ERC1: variants seen among roughly 807,000 people sequenced by gnomAD.
The protein encoded by ERC1 is ELKS/RAB6-interacting/CAST family member 1, also known as RAB6 interacting protein 2.
A neutral mutation model predicts 132.0 loss-of-function variants in ERC1; 56 were observed. The observed-to-expected ratio is 0.42, with a 90% CI of 0.34 to 0.53. ERC1 has a LOEUF of 0.53. Among genes scored for constraint, ERC1 ranks in the 20% least tolerant of loss-of-function variants. ERC1 has a pLI of 0.03. For synonymous variants in ERC1, 478 were observed against 476.1 expected (o/e 1.00, Z -0.05); for missense variants, 1,202 against 1,349.9 (o/e 0.89, Z 1.72).
intron 15 of ERC1, among the ~76,000 whole-genome samples, chr12:1,332,319 G>T (rs1440068103): frequency 1.3e-5 from 2 of 152,118 alleles, no homozygotes; most frequent in Non-Finnish European, 2.9e-5. Context: ...TTTCTCTTAA[G>T]AAATTGATTA....
At chr12:1,378,840 A>T (rs765678407) in intron 16 of ERC1, among the ~76,000 whole-genome samples, 2 of 152,244 alleles carry the variant, frequency 1.3e-5, no homozygotes, top group African/African-American at 4.8e-5. Flanking sequence ...ACATTATTGC[A>T]TCTGAACCTT....
chr12:1,287,551 C>T (rs546194648), intron 14 of ERC1, among the ~76,000 whole-genome samples: 27 of 152,302 alleles, frequency 1.8e-4, no homozygotes, highest in African/African-American at 6.0e-4. Flanking sequence ...CTGAGTAGAA[C>T]AAAACTCTGA....
chr12:1,272,961 A>C (rs1404874984), intron 14 of ERC1, among the ~76,000 whole-genome samples: 3 of 151,126 alleles, frequency 2.0e-5, no homozygotes, highest in African/African-American at 2.4e-5. Flanking sequence ...AAAAAAAAAA[A>C]AAAAAAAAAA....
chr12:1,397,237 C>A (rs1417324214), intron 16 of ERC1, among the ~76,000 whole-genome samples: 1 of 152,148 alleles, frequency 6.6e-6, no homozygotes, highest in Non-Finnish European at 1.5e-5. Context: ...CTTATAGAGG[C>A]AGTTTGGCAA....
intron 12 of ERC1, among the ~76,000 whole-genome samples, chr12:1,192,024 T>C (rs939572468): frequency 6.6e-6 from 1 of 152,226 alleles, no homozygotes; most frequent in African/African-American, 2.4e-5. Context: ...GAGAAGTCAT[T>C]GCTGAAGTGA....
chr12:1,222,708 C>T (rs1157624184), intron 12 of ERC1, among the ~76,000 whole-genome samples: 2 of 152,076 alleles, frequency 1.3e-5, no homozygotes, highest in Non-Finnish European at 2.9e-5. Context: ...ACAATAGAAG[C>T]ATCCTATTTT....
chr12:1,448,478 A>C (rs1439300393), intron 18 of ERC1, among the ~76,000 whole-genome samples: 1 of 152,250 alleles, frequency 6.6e-6, no homozygotes, highest in Admixed American at 6.5e-5. Flanking sequence ...CTTGCCTATG[A>C]AAGTATTGTG....
At chr12:1,110,093 G>T in intron 4 of ERC1, 99 bp from the exon 5 acceptor site, 3 of 1,038,272 alleles carry the variant, frequency 2.9e-6, no homozygotes, top group South Asian at 3.8e-5. Context: ...CTGTATATTT[G>T]TCTATCTTTA....
intron 18 of ERC1, among the ~76,000 whole-genome samples, chr12:1,466,325 C>T (rs548100084): frequency 2.0e-5 from 3 of 152,140 alleles, no homozygotes; most frequent in Non-Finnish European, 4.4e-5. Flanking sequence ...CCTCCTGTTA[C>T]AAAGATACCA....
At chr12:1,425,267 GCACT>G (rs2092599706) in intron 17 of ERC1, among the ~76,000 whole-genome samples, 1 of 152,190 alleles carries the variant, frequency 6.6e-6, no homozygotes, top group Admixed American at 6.5e-5. Flanking sequence ...GGCAGTGAGA[GCACT>G]TTTTAGTGTG....
At chr12:1,069,187 A>G (rs1939865269) in intron 2 of ERC1, among the ~76,000 whole-genome samples, 1 of 152,126 alleles carries the variant, frequency 6.6e-6, no homozygotes, top group African/African-American at 2.4e-5. Context: ...TTTTGTTTTT[A>G]TGAAATAGCA....
At chr12:1,218,055 G>A (rs1594300834) in intron 12 of ERC1, among the ~76,000 whole-genome samples, 1 of 152,280 alleles carries the variant, frequency 6.6e-6, no homozygotes, top group Admixed American at 6.5e-5. Flanking sequence ...ATCCTCAGAG[G>A]TGACTGTATC....
intron 12 of ERC1, among the ~76,000 whole-genome samples, chr12:1,212,353 C>G (rs1679879064): frequency 6.6e-6 from 1 of 152,124 alleles, no homozygotes; most frequent in Non-Finnish European, 1.5e-5. Context: ...GTAACTTGGA[C>G]TTAATCCCTT....
intron 18 of ERC1, among the ~76,000 whole-genome samples, chr12:1,452,124 C>T (rs117416080): frequency 7.4e-4 from 113 of 152,296 alleles, no homozygotes; most frequent in Non-Finnish European, 1.0e-3. Flanking sequence ...TTTGTTATGG[C>T]AGCCCTAGAA....
chr12:1,100,852 G>A (rs2369669), intron 3 of ERC1, among the ~76,000 whole-genome samples: 85,925 of 151,998 alleles, frequency 0.57, 27,093 homozygotes, highest in East Asian at 0.89. Flanking sequence ...GATACTGAAC[G>A]GTAAATACCA....
intron 13 of ERC1, chr12:1,244,398 C>G (rs1003637649): frequency 9.6e-5 from 32 of 334,600 alleles, no homozygotes; most frequent in African/African-American, 6.1e-4. Context: ...GGAAACACTA[C>G]TACCTTATTT....
intron 15 of ERC1, among the ~76,000 whole-genome samples, chr12:1,314,813 A>G (rs866559645): frequency 3.7e-4 from 56 of 152,268 alleles, no homozygotes; most frequent in African/African-American, 1.2e-3. Context: ...CTTTGTTCAT[A>G]TCTTAATTTT....
At chr12:1,246,617 C>CT (rs1305421773) in intron 13 of ERC1, among the ~76,000 whole-genome samples, 2 of 152,156 alleles carry the variant, frequency 1.3e-5, no homozygotes, top group Admixed American at 6.5e-5. Context: ...TAACAGAAGA[C>CT]TAACTTTTCA....
intron 12 of ERC1, among the ~76,000 whole-genome samples, chr12:1,227,765 T>A (rs1023090509): frequency 1.3e-5 from 2 of 152,226 alleles, no homozygotes; most frequent in Non-Finnish European, 2.9e-5. Flanking sequence ...CAGTGTTTTC[T>A]TCTACTAGTT....
Sources: gnomAD v4.1 joint callset for allele counts (sites outside exome capture counted in the v4.1 genomes callset) on GRCh38, gnomAD v4.1.1 for gene constraint, MANE v1.5 for transcripts, NCBI Gene and HGNC (gene_info 2026-07-23, HGNC 2026-07-21) for gene names.